C1orf141: variants seen among roughly 807,000 people sequenced by gnomAD.
C1orf141 encodes the protein chromosome 1 open reading frame 141, also known as uncharacterized protein C1orf141.
C1orf141 carries 19 observed loss-of-function variants against 23.2 expected under a neutral mutation model. The observed-to-expected ratio is 0.82, with a 90% CI of 0.57 to 1.20. The LOEUF is 1.20. Among genes scored for constraint, C1orf141 ranks in the 50% most tolerant of loss-of-function variants. C1orf141 has a pLI of 0.00. For synonymous variants in C1orf141, 153 were observed against 154.6 expected, an observed-to-expected ratio of 0.99 and a Z score of 0.08; for missense variants, 469 against 455.1, an observed-to-expected ratio of 1.03 and a Z score of -0.28.
intron 5 of C1orf141, among the ~76,000 whole-genome samples, chr1:67,107,541 G>A (rs1645958080): frequency 6.6e-6 from 1 of 152,160 alleles, no homozygotes; most frequent in Admixed American, 6.6e-5. Context: ...AAAAATATAT[G>A]CTATGTAAAC....
chr1:67,106,384 T>G (rs1340287911), intron 5 of C1orf141, among the ~76,000 whole-genome samples: 1 of 152,194 alleles, frequency 6.6e-6, no homozygotes, highest in Non-Finnish European at 1.5e-5. Flanking sequence ...CGGCAGCTCA[T>G]GCCTGTTATC....
intron 5 of C1orf141, chr1:67,103,237 C>T: frequency 7.1e-7 from 1 of 1,400,112 alleles, no homozygotes; most frequent in East Asian, 2.5e-5. Context: ...AATTTGTATA[C>T]CTGTAAATAA....
chr1:67,125,617 T>C lies in C1orf141; in HGVS notation c.233+135A>G. The C allele has an allele frequency of 1.2e-6, 1 of 848,486 alleles. No homozygotes were observed. Among genetic ancestry groups the C allele is most frequent in the Non-Finnish European group, 2.0e-6 (1 of 498,754 alleles). The allele number at this position is 848,486 out of a possible 1,614,324, so 52.6% of individuals were successfully genotyped here. ...TGGAGGCCAAGGTGGGAGAATCACC[T>C]AAACCTGGGAAGTTGAGGCTGCAGT... is the stretch of plus-strand genomic sequence containing the variant. On this transcript the variant is annotated intron_variant, in intron 4 of 7. Transcript: ENST00000684719.
Position 67,092,925 on chromosome 1 carries a change from T to C in C1orf141, c.*80A>G, listed in dbSNP as rs1645583283. 1.8e-6 allele frequency: 2 copies of C among 1,118,742 alleles called. No individual in the cohort carries two copies. The highest frequency in any genetic ancestry group is 1.3e-6 in the Non-Finnish European group (1 of 781,510). The allele number at this position is 1,118,742 out of a possible 1,614,324, so 69.3% of individuals were successfully genotyped here. A position where few individuals can be genotyped will look rare whatever the true frequency, so the allele number is the denominator to read the frequency against. On this transcript the variant is annotated 3_prime_UTR_variant, in exon 8 of 8. Coordinates refer to ENST00000684719, the MANE Select transcript of C1orf141 (RefSeq NM_001276351.2). ...ATATGATCAATTAGAACATTACTAT[T>C]TGGATAAGAATTTCTTTTATAATTT...
chr1:67,103,121 A>T, intron 5 of C1orf141: 1 of 506,788 alleles, frequency 2.0e-6, no homozygotes, highest in Non-Finnish European at 3.4e-6. Flanking sequence ...AAAGATCGTT[A>T]TGGTAGTATG....
intron 4 of C1orf141, chr1:67,124,035 C>G (rs1433080455): frequency 6.6e-6 from 1 of 152,216 alleles, no homozygotes; most frequent in Non-Finnish European, 1.5e-5. Flanking sequence ...AGAACACAGG[C>G]TCTGAAATCA....
Position 67,093,329 on chromosome 1 carries a change from T to C in C1orf141, c.879A>G (p.Val293=), listed in dbSNP as rs1426714425. The change falls in exon 8 of 8, where the codon GTA becomes GTG. Residue 293 remains valine, a synonymous_variant. Coordinates refer to ENST00000684719, the MANE Select transcript of C1orf141 (RefSeq NM_001276351.2). ...TAGTTTTCTTCTTTAGTTTATCATC[T>C]ACAGTTGTGTGGCCCGCTTTAAAAG... ...PMSFKAGHTT[V]DDKLKKKTNK... is the part of the protein sequence containing the mutation. 1 of 1,613,772 alleles carries C rather than the reference T, an allele frequency of 6.2e-7. No homozygotes were observed. Among genetic ancestry groups the C allele is most frequent in the South Asian group, 1.1e-5 (1 of 91,078 alleles).
Position 67,127,204 on chromosome 1 carries a change from C to A in C1orf141, c.37G>T (p.Asp13Tyr). The part of the protein sequence containing the change: ...EKILEKLDVL[D>Y]KQAEIILARR... Reference sequence around the variant, plus strand: ...GCCAAGATTATCTCTGCTTGCTTATCAAGGACATCCAACTTCTCTAGGATT... The same window carrying A: ...GCCAAGATTATCTCTGCTTGCTTATAAAGGACATCCAACTTCTCTAGGATT... The change falls in exon 3 of 8, where the codon GAT (aspartate) becomes TAT (tyrosine). Residue 13 changes from aspartate (D) to tyrosine (Y), a missense_variant. By Grantham distance (160) the Asp-to-Tyr change is radical (BLOSUM62 -3). This residue lies in a region of C1orf141 where 95 missense variants were observed against 90.3 expected (regional missense o/e 1.05). Transcript: ENST00000684719. 6.2e-7 allele frequency: 1 copy of A among 1,609,642 alleles called. No homozygotes were observed. Among genetic ancestry groups the A allele is most frequent in the Admixed American group, 1.7e-5 (1 of 59,348 alleles).
chr1:67,125,621 C>T lies in C1orf141; in HGVS notation c.233+131G>A, dbSNP rs377459642. ...GGCCAAGGTGGGAGAATCACCTAAA[C>T]CTGGGAAGTTGAGGCTGCAGTGAGC... On this transcript the variant is annotated intron_variant, in intron 4 of 7. Coordinates refer to ENST00000684719, the MANE Select transcript of C1orf141 (RefSeq NM_001276351.2). The T allele has an allele frequency of 1.6e-4, 142 of 863,312 alleles. 2 individuals carry two copies. The East Asian group carries it at 2.2e-3, about 13-fold the overall frequency. 53.5% of individuals were successfully genotyped at this position (863,312 alleles called of 1,614,324 possible).
intron 4 of C1orf141, chr1:67,123,718 G>A (rs1646346811): frequency 6.6e-6 from 1 of 152,136 alleles, no homozygotes; most frequent in Non-Finnish European, 1.5e-5. Context: ...CTAGAAGTAG[G>A]TGTTAAAAAC....
At chr1:67,101,630 A>G (rs1301685081) in intron 5 of C1orf141, among the ~76,000 whole-genome samples, 1 of 152,064 alleles carries the variant, frequency 6.6e-6, no homozygotes, top group Non-Finnish European at 1.5e-5. Flanking sequence ...TTATAATATG[A>G]GGCAGATTTT....
At chr1:67,125,313 AT>A (rs200149593) in intron 4 of C1orf141, among the ~76,000 whole-genome samples, 1,857 of 152,330 alleles carry the variant, frequency 0.012, 45 homozygotes, top group African/African-American at 0.042. Flanking sequence ...AATCTAGTAT[AT>A]TTTAACTCAT....
intron 5 of C1orf141, among the ~76,000 whole-genome samples, chr1:67,114,133 C>T (rs1416966644): frequency 6.6e-6 from 1 of 151,976 alleles, no homozygotes; most frequent in Non-Finnish European, 1.5e-5. Flanking sequence ...AAAAAACCCC[C>T]ACACCTATTC....
chr1:67,093,966 T>C (rs1056596022), intron 7 of C1orf141: 1 of 155,068 alleles, frequency 6.4e-6, no homozygotes, highest in Non-Finnish European at 1.4e-5. Context: ...TTCTAGAAAT[T>C]AAAAAGCATA....
At chr1:67,098,240 G>T (rs565496872) in intron 5 of C1orf141, among the ~76,000 whole-genome samples, 4 of 152,150 alleles carry the variant, frequency 2.6e-5, no homozygotes, top group African/African-American at 7.2e-5. Flanking sequence ...GAAAAATATT[G>T]CCAGGTGCAG....
chr1:67,138,622 T>G (rs1646605773), upstream of C1orf141, among the ~76,000 whole-genome samples: 1 of 152,202 alleles, frequency 6.6e-6, no homozygotes, highest in Non-Finnish European at 1.5e-5. Context: ...ATATAGAACT[T>G]CTACCATCTG....
At chr1:67,101,593 T>C (rs1294132073) in intron 5 of C1orf141, among the ~76,000 whole-genome samples, 1 of 152,076 alleles carries the variant, frequency 6.6e-6, no homozygotes, top group Non-Finnish European at 1.5e-5. Flanking sequence ...CACTGACTTC[T>C]GGAAGATTCT....
rs1323281534 is a variant in C1orf141, at chr1:67,092,805, T to A, written c.*200A>T. ...ACTAGATCCTCTTGGTGATAATTAT[T>A]TCCTAATTTTGTCCTACTATTTTCT... is the stretch of plus-strand genomic sequence containing the variant. On this transcript the variant is annotated 3_prime_UTR_variant, in exon 8 of 8. Transcript: ENST00000684719. 1 of 395,224 alleles carries A rather than the reference T, an allele frequency of 2.5e-6. No individual in the cohort carries two copies. The highest frequency in any genetic ancestry group is 4.5e-6 in the Non-Finnish European group (1 of 220,668). 24.5% of individuals were successfully genotyped at this position (395,224 alleles called of 1,614,324 possible). A position where few individuals can be genotyped will look rare whatever the true frequency, so the allele number is the denominator to read the frequency against.
At chr1:67,120,676 T>A (rs1646280959) in intron 4 of C1orf141, among the ~76,000 whole-genome samples, 1 of 152,178 alleles carries the variant, frequency 6.6e-6, no homozygotes, top group South Asian at 2.1e-4. Context: ...AGAAGACAGC[T>A]GTCTGCAAAG....
Sources: gnomAD v4.1 joint callset for allele counts (sites outside exome capture counted in the v4.1 genomes callset) on GRCh38, gnomAD v4.1.1 for gene constraint, gnomAD v4.1.1 regional missense constraint, MANE v1.5 for transcripts, NCBI Gene and HGNC (gene_info 2026-07-23, HGNC 2026-07-21) for gene names.